LRRC61: variants seen among roughly 807,000 people sequenced by gnomAD.
LRRC61 encodes the protein leucine rich repeat containing 61.
Under a neutral mutation model 15.1 loss-of-function variants are expected in LRRC61, and 9 were observed. The observed-to-expected ratio is 0.60, with a 90% CI of 0.36 to 1.04. The LOEUF is 1.04. Ranked by LOEUF, LRRC61 falls within the 50% of genes least tolerant of loss-of-function variation. LRRC61 has a pLI of 0.01. For missense variants in LRRC61, 344 were observed against 335.6 expected, an observed-to-expected ratio of 1.03 and a Z score of -0.20; for synonymous variants, 173 against 158.6, an observed-to-expected ratio of 1.09 and a Z score of -0.68.
At chr7:150,323,261 CCGCAGGCTG>C (rs1453443733), upstream of LRRC61, 1 of 247,946 alleles carries the variant, frequency 4.0e-6, no homozygotes, top group Admixed American at 6.1e-5. Context: ...GCGAAGACCC[CCGCAGGCTG>C]CGCTTCCGGA....
At chr7:150,327,060 T>C (rs781138039) in intron 2 of LRRC61, among the ~76,000 whole-genome samples, 3 of 152,182 alleles carry the variant, frequency 2.0e-5, no homozygotes, top group Non-Finnish European at 4.4e-5. Flanking sequence ...TCACCTGTTA[T>C]AGGCAGCCCT....
At chr7:150,324,154 C>A (rs903044041) in intron 1 of LRRC61, among the ~76,000 whole-genome samples, 1 of 152,220 alleles carries the variant, frequency 6.6e-6, no homozygotes, top group Non-Finnish European at 1.5e-5. Flanking sequence ...ACCTTTCAAT[C>A]TTCTCACAGA....
At chr7:150,323,626 G>A in intron 1 of LRRC61, 66 bp downstream of exon 1, 1 of 454,354 alleles carries the variant, frequency 2.2e-6, no homozygotes, top group Non-Finnish European at 4.4e-6. Flanking sequence ...TGCCGGCCCC[G>A]GGGGGCCACC....
At chr7:150,318,511 C>T (rs374383671), upstream of LRRC61, among the ~76,000 whole-genome samples, 1 of 152,148 alleles carries the variant, frequency 6.6e-6, no homozygotes, top group Non-Finnish European at 1.5e-5. Flanking sequence ...CGCCTGTAAT[C>T]CCAGCACTTT....
chr7:150,326,456 G>A (rs1383161073), intron 2 of LRRC61, among the ~76,000 whole-genome samples: 1 of 152,076 alleles, frequency 6.6e-6, no homozygotes, highest in Non-Finnish European at 1.5e-5. Context: ...GCTGAGGCAG[G>A]GGGATTGCTT....
chr7:150,316,059 T>C, the LRRC61 span, among the ~76,000 whole-genome samples: 10 of 152,150 alleles, frequency 6.6e-5, no homozygotes, highest in Non-Finnish European at 8.8e-5. Context: ...TAGCTGGGCA[T>C]CGTGGCACAT....
chr7:150,315,747 T>C, the LRRC61 span, among the ~76,000 whole-genome samples: 2 of 152,166 alleles, frequency 1.3e-5, no homozygotes, highest in Non-Finnish European at 2.9e-5. Flanking sequence ...GAAGTAAACA[T>C]ACACATGCTT....
At position 150,333,758 on chromosome 7, in the gene LRRC61, G is replaced by T. The variant is rs1382956152; in HGVS notation, c.-144-2960G>T. ...CTCCTTCTGGAGGAGTGCTGAAGCA[G>T]GTGGACGTGCGGGAAGCCATCCTCC... On this transcript the variant is annotated intron_variant, in intron 2 of 2. Transcript: ENST00000359623. This position sits in a 1 kb window ranked among gnomAD's most constrained non-coding sequence, Gnocchi z 4.3. 6.6e-6 allele frequency among the ~76,000 whole-genome samples: 1 copy of T among 152,220 alleles called. No individual in the cohort carries two copies. The highest frequency in any genetic ancestry group is 2.4e-5 in the African/African-American group (1 of 41,464).
At chr7:150,314,531 G>C in the LRRC61 span, among the ~76,000 whole-genome samples, 1 of 152,268 alleles carries the variant, frequency 6.6e-6, no homozygotes, top group Non-Finnish European at 1.5e-5. Flanking sequence ...GAAAAAGACA[G>C]GGAGATGTGT....
intron 2 of LRRC61, among the ~76,000 whole-genome samples, chr7:150,329,349 G>T (rs1436383769): frequency 6.6e-6 from 1 of 152,232 alleles, no homozygotes; most frequent in Non-Finnish European, 1.5e-5. Flanking sequence ...CGGACGTATC[G>T]GTGACACAGC....
intron 2 of LRRC61, among the ~76,000 whole-genome samples, chr7:150,327,836 A>AT (rs397714879): frequency 6.6e-6 from 1 of 150,664 alleles, no homozygotes; most frequent in African/African-American, 2.4e-5. Context: ...AAAAAAAAAA[A>AT]GTTTCTTGCA....
chr7:150,314,404 A>G, the LRRC61 span, among the ~76,000 whole-genome samples: 1 of 152,176 alleles, frequency 6.6e-6, no homozygotes, highest in Non-Finnish European at 1.5e-5. Flanking sequence ...ACACTGGCTT[A>G]TAGAAGAGAG....
Position 150,336,895 on chromosome 7 carries a change from G to C in LRRC61, c.34G>C (p.Gly12Arg). 6.2e-7 allele frequency: 1 copy of C among 1,607,474 alleles called. No individual in the cohort carries two copies. Among genetic ancestry groups the C allele is most frequent in the East Asian group, 2.2e-5 (1 of 44,890 alleles). Residue 12 changes from glycine to arginine, a missense_variant, in exon 3 of 3, where the codon GGC (glycine) becomes CGC (arginine). Physicochemically the swap from Gly to Arg is moderately radical, Grantham distance 125 (BLOSUM62 -2). Coordinates refer to ENST00000359623, the MANE Select transcript of LRRC61 (RefSeq NM_001142928.2). ...DPPAEKPGEA[G>R]GLQITPQLLK... is the part of the protein sequence containing the mutation. ...TCCAGCGGAGAAGCCGGGAGAGGCT[G>C]GCGGACTGCAGATCACACCCCAGCT...
chr7:150,319,968 C>A (rs911046094), upstream of LRRC61, among the ~76,000 whole-genome samples: 1 of 152,240 alleles, frequency 6.6e-6, no homozygotes, highest in Non-Finnish European at 1.5e-5. Context: ...ACAGGAAGAT[C>A]AGCATTTCCT....
chr7:150,317,720 C>G, the LRRC61 span, among the ~76,000 whole-genome samples: 1 of 152,106 alleles, frequency 6.6e-6, no homozygotes, highest in East Asian at 1.9e-4. Flanking sequence ...GTGGATATAT[C>G]TGATCATGCT....
chr7:150,321,630 C>T (rs1342812075), upstream of LRRC61, among the ~76,000 whole-genome samples: 1 of 152,116 alleles, frequency 6.6e-6, no homozygotes, highest in Non-Finnish European at 1.5e-5. Context: ...GTCTTAGCTA[C>T]TTGGGAGACT....
Position 150,337,685 on chromosome 7 carries a change from C to T in LRRC61, c.*44C>T, listed in dbSNP as rs1212166259. On this transcript the variant is annotated 3_prime_UTR_variant, in exon 3 of 3. Transcript: ENST00000359623. ...GACAGCCTGGCAGGTGGCCTCGCTG[C>T]CCCCAGTTCCCCTCTCTGCCCCCAC... is the stretch of plus-strand genomic sequence containing the variant. 1.3e-6 allele frequency: 2 copies of T among 1,502,618 alleles called. No individual in the cohort carries two copies. Among genetic ancestry groups the T allele is most frequent in the Non-Finnish European group, 1.8e-6 (2 of 1,125,574 alleles). 93.1% of individuals were successfully genotyped at this position (1,502,618 alleles called of 1,614,324 possible).
At chr7:150,326,836 C>G (rs1797973447) in intron 2 of LRRC61, among the ~76,000 whole-genome samples, 1 of 152,186 alleles carries the variant, frequency 6.6e-6, no homozygotes. Flanking sequence ...GTTGTGGGCC[C>G]AGGACAGCAG....
Position 150,337,374 on chromosome 7 carries a change from G to A in LRRC61, c.513G>A (p.Glu171=). The A allele has an allele frequency of 6.2e-7, 1 of 1,605,508 alleles. No homozygotes were observed. The highest frequency in any genetic ancestry group is 8.5e-7 in the Non-Finnish European group (1 of 1,179,938). Residue 171 remains glutamate (E), a synonymous_variant, in exon 3 of 3, where the codon GAG becomes GAA. Coordinates refer to ENST00000359623, the MANE Select transcript of LRRC61 (RefSeq NM_001142928.2). ...DGERVIGRGS[E]FYQLCRDLDS... ...AGCGTGTGATTGGGCGTGGTAGTGAGTTCTACCAGCTGTGCCGAGACCTGG... is the reference window on the plus strand; with the variant it reads ...AGCGTGTGATTGGGCGTGGTAGTGAATTCTACCAGCTGTGCCGAGACCTGG...
Sources: gnomAD v4.1 joint callset for allele counts (sites outside exome capture counted in the v4.1 genomes callset) on GRCh38, gnomAD v4.1.1 for gene constraint, Gnocchi (gnomAD v3.1) non-coding constraint, MANE v1.5 for transcripts, NCBI Gene and HGNC (gene_info 2026-07-23, HGNC 2026-07-21) for gene names.